The following GPR176 variants were observed in gnomAD, a reference collection of about 807,000 sequenced individuals.
The protein encoded by GPR176 is G-protein coupled receptor 176.
In GPR176, 26 loss-of-function variants were observed where a neutral mutation model predicts 35.4. The ratio of observed to expected loss-of-function variants is 0.74; its 90% CI spans 0.54 to 1.02. GPR176 has a LOEUF of 1.02. GPR176 is among the 50% of genes least tolerant of loss of function. The probability of loss-of-function intolerance (pLI) is 0.00; values close to 1 mark genes in which losing one functional copy is unlikely to be tolerated. For synonymous variants in GPR176, 278 were observed against 271.3 expected (o/e 1.02, Z -0.24); for missense variants, 597 against 665.3 (o/e 0.90, Z 1.13).
At chr15:39,898,012 G>A (rs1315631848) in intron 1 of GPR176, among the ~76,000 whole-genome samples, 1 of 152,188 alleles carries the variant, frequency 6.6e-6, no homozygotes, top group Non-Finnish European at 1.5e-5. Context: ...GCAAGAAGTT[G>A]TCAAAATTCT....
chr15:39,848,566 T>A (rs912084782), intron 1 of GPR176, among the ~76,000 whole-genome samples: 1 of 152,158 alleles, frequency 6.6e-6, no homozygotes, highest in Non-Finnish European at 1.5e-5. Flanking sequence ...TCTATGGCCA[T>A]AAAATAGCCC....
chr15:39,854,595 T>C (rs1054327802), intron 1 of GPR176, among the ~76,000 whole-genome samples: 1 of 152,138 alleles, frequency 6.6e-6, no homozygotes, highest in Non-Finnish European at 1.5e-5. Flanking sequence ...ATAACAAAAA[T>C]CTAGCCCATA....
intron 1 of GPR176, among the ~76,000 whole-genome samples, chr15:39,814,162 T>C (rs1159577616): frequency 6.6e-6 from 1 of 152,214 alleles, no homozygotes; most frequent in Non-Finnish European, 1.5e-5. Context: ...TTCTAGAAAA[T>C]TTTCATCCAT....
chr15:39,889,469 C>A (rs2032786968), intron 1 of GPR176, among the ~76,000 whole-genome samples: 1 of 151,838 alleles, frequency 6.6e-6, no homozygotes, highest in African/African-American at 2.4e-5. Flanking sequence ...ATCACTTGAA[C>A]CCAGGAGGTG....
chr15:39,810,909 C>G (rs1899504309), intron 1 of GPR176, among the ~76,000 whole-genome samples: 1 of 152,264 alleles, frequency 6.6e-6, no homozygotes, highest in African/African-American at 2.4e-5. Flanking sequence ...CCAACCACTA[C>G]TTTGTGTTGC....
chr15:39,841,801 A>G (rs1000440179), intron 1 of GPR176, among the ~76,000 whole-genome samples: 5 of 152,186 alleles, frequency 3.3e-5, no homozygotes, highest in African/African-American at 1.2e-4. Context: ...TGACAAAATG[A>G]TAGGTTTACG....
intron 1 of GPR176, among the ~76,000 whole-genome samples, chr15:39,869,848 T>C (rs999560382): frequency 2.4e-4 from 37 of 152,154 alleles, no homozygotes; most frequent in African/African-American, 8.7e-4. Flanking sequence ...ACATCATAGA[T>C]GTGGGGTGGT....
chr15:39,872,074 C>T lies in GPR176; in HGVS notation c.172+47781G>A, dbSNP rs548913178. On this transcript the variant is annotated intron_variant, in intron 1 of 2. Coordinates refer to ENST00000561100, the MANE Select transcript of GPR176 (RefSeq NM_007223.3). ...ACTGAGTTAGGCTCTATAGAGAATACAAAGATTCCTAAAACAAGTTCCTTA... is the reference window on the plus strand; with the variant it reads ...ACTGAGTTAGGCTCTATAGAGAATATAAAGATTCCTAAAACAAGTTCCTTA... 1.1e-3 allele frequency among the ~76,000 whole-genome samples: 166 copies of T among 152,258 alleles called. 1 individual carries two copies. Among genetic ancestry groups the T allele is most frequent in the Admixed American group, 7.7e-3 (118 of 15,302 alleles).
In GPR176 at chr15:39,807,261, GGTC is replaced by G; in HGVS notation, c.173-6_173-4del. 6.8e-7 allele frequency: 1 copy of G among 1,480,194 alleles called. No individual in the cohort carries two copies. The highest frequency in any genetic ancestry group is 9.0e-7 in the Non-Finnish European group (1 of 1,109,878). 91.7% of individuals were successfully genotyped at this position (1,480,194 alleles called of 1,614,324 possible). ...TGACCATAACACCATGAAGTTTCCT[GGTC>G]AGATATGAAAGAAAATAAAATAATT... On this transcript the variant is annotated splice_region_variant and splice_polypyrimidine_tract_variant and intron_variant, in intron 1 of 2. Transcript: ENST00000561100.
chr15:39,865,865 T>C (rs2031807342), intron 1 of GPR176, among the ~76,000 whole-genome samples: 1 of 152,086 alleles, frequency 6.6e-6, no homozygotes, highest in Admixed American at 6.6e-5. Flanking sequence ...ATCTAGAAAA[T>C]ACACTTTGAC....
intron 1 of GPR176, among the ~76,000 whole-genome samples, chr15:39,850,154 C>A (rs976615334): frequency 7.2e-5 from 11 of 152,122 alleles, no homozygotes; most frequent in African/African-American, 2.7e-4. Context: ...AATGTGAAGG[C>A]CTAAGACATG....
chr15:39,825,032 C>T (rs1900534204), intron 1 of GPR176, among the ~76,000 whole-genome samples: 1 of 152,056 alleles, frequency 6.6e-6, no homozygotes, highest in Admixed American at 6.5e-5. Flanking sequence ...CAGGGAGACC[C>T]TGTCCCTATA....
chr15:39,907,771 T>A (rs1427923433), intron 1 of GPR176, among the ~76,000 whole-genome samples: 1 of 152,190 alleles, frequency 6.6e-6, no homozygotes, highest in African/African-American at 2.4e-5. Context: ...GCCACTAGGT[T>A]TTTATGTTAA....
chr15:39,904,918 C>CA (rs111262342), intron 1 of GPR176, among the ~76,000 whole-genome samples: 44 of 152,284 alleles, frequency 2.9e-4, no homozygotes, highest in African/African-American at 9.9e-4. Flanking sequence ...GAGAGGGCAT[C>CA]ATCACCATCA....
At chr15:39,888,236 C>T (rs1321363422) in intron 1 of GPR176, among the ~76,000 whole-genome samples, 2 of 151,912 alleles carry the variant, frequency 1.3e-5, no homozygotes, top group East Asian at 1.9e-4. Flanking sequence ...TCTTGCTTTT[C>T]TCTTGTTGGT....
intron 1 of GPR176, among the ~76,000 whole-genome samples, chr15:39,893,823 C>T (rs971777954): frequency 5.5e-5 from 8 of 145,552 alleles, no homozygotes; most frequent in African/African-American, 2.1e-4. Flanking sequence ...GCTGGCCTGG[C>T]AGAGGGGCTC....
At chr15:39,896,048 T>C (rs753874021) in intron 1 of GPR176, among the ~76,000 whole-genome samples, 1 of 152,204 alleles carries the variant, frequency 6.6e-6, no homozygotes, top group Non-Finnish European at 1.5e-5. Context: ...ATTTTCAGAA[T>C]TTTTTATATT....
At chr15:39,886,390 T>C (rs1022494018) in intron 1 of GPR176, among the ~76,000 whole-genome samples, 2 of 152,084 alleles carry the variant, frequency 1.3e-5, no homozygotes, top group Non-Finnish European at 2.9e-5. Flanking sequence ...CCTGGGGACT[T>C]GTTCCAGCCC....
chr15:39,832,832 C>T (rs1901180298), intron 1 of GPR176, among the ~76,000 whole-genome samples: 2 of 152,222 alleles, frequency 1.3e-5, no homozygotes, highest in African/African-American at 4.8e-5. Context: ...TGGTTCCTTC[C>T]ATCTTCAAAG....
Sources: allele counts gnomAD v4.1 joint callset (sites outside exome capture counted in the v4.1 genomes callset), GRCh38; gene constraint gnomAD v4.1.1; transcripts MANE v1.5; gene names NCBI Gene and HGNC (gene_info 2026-07-23, HGNC 2026-07-21).